The following CSDE1 variants were observed in gnomAD, a reference collection of about 807,000 sequenced individuals.
CSDE1 encodes the protein cold shock domain-containing protein E1.
In CSDE1, 17 loss-of-function variants were observed where a neutral mutation model predicts 89.3. That is an observed-to-expected ratio of 0.19 (90% CI 0.13 to 0.29). The LOEUF is 0.29. CSDE1 is among the 10% of genes least tolerant of loss of function. The pLI, the probability that CSDE1 is intolerant of heterozygous loss-of-function variation, is 1.00. For synonymous variants in CSDE1, 322 were observed against 332.8 expected (o/e 0.97, Z 0.35); for missense variants, 672 against 984.2 (o/e 0.68, Z 4.24).
At chr1:114,743,433 T>G (rs1660841699) in intron 2 of CSDE1, among the ~76,000 whole-genome samples, 1 of 152,170 alleles carries the variant, frequency 6.6e-6, no homozygotes, top group Non-Finnish European at 1.5e-5. Context: ...CCTCAAGTGA[T>G]CCGGCCCCTG....
chr1:114,730,479 C>T (rs1161990153), intron 11 of CSDE1, 29 bp downstream of exon 11: 1 of 1,612,526 alleles, frequency 6.2e-7, no homozygotes, highest in African/African-American at 1.3e-5. Flanking sequence ...TCAAGAAACA[C>T]CTCCCAACTT....
intron 1 of CSDE1, chr1:114,757,002 G>A (rs948016634): frequency 2.6e-5 from 4 of 152,246 alleles, no homozygotes; most frequent in African/African-American, 9.6e-5. Context: ...GAATGACGAA[G>A]CCAGGCCGTT....
intron 2 of CSDE1, among the ~76,000 whole-genome samples, chr1:114,745,244 A>G (rs1313692457): frequency 6.6e-6 from 1 of 152,228 alleles, no homozygotes; most frequent in African/African-American, 2.4e-5. Flanking sequence ...TCCTGGGGAA[A>G]TCTGAAATGT....
intron 16 of CSDE1, among the ~76,000 whole-genome samples, chr1:114,721,223 G>C (rs533758069): frequency 6.6e-6 from 1 of 152,054 alleles, no homozygotes; most frequent in East Asian, 1.9e-4. Context: ...CCTTTTTCCA[G>C]ATCAGAGACC....
rs1305057461 is a variant in CSDE1 at position 114,741,574 on chromosome 1, A to T, written c.1-1684T>A. 17 of 1,551,144 alleles carry T rather than the reference A, an allele frequency of 1.1e-5. No individual in the cohort carries two copies. In the East Asian group the frequency reaches 3.7e-4, roughly 33 times the overall value. Reference sequence around the variant, plus strand: ...CTCTTTTGTTTTTTAGTCCCAGATGAGGTAGAAGATGAAGATAAGGGTAAA... The same window carrying T: ...CTCTTTTGTTTTTTAGTCCCAGATGTGGTAGAAGATGAAGATAAGGGTAAA... On this transcript the variant is annotated intron_variant, in intron 2 of 19. Coordinates refer to ENST00000358528, the MANE Select transcript of CSDE1 (RefSeq NM_001007553.3).
chr1:114,725,671 T>C (rs1309016371), intron 14 of CSDE1, among the ~76,000 whole-genome samples: 1 of 152,078 alleles, frequency 6.6e-6, no homozygotes, highest in Non-Finnish European at 1.5e-5. Context: ...AGTCTCACTC[T>C]GTTGGCTAGG....
At position 114,756,565 on chromosome 1, in the gene CSDE1, T is replaced by C. The variant is rs372150428; in HGVS notation, c.-388+1360A>G. Among the ~76,000 whole-genome samples the C allele has an allele frequency of 3.9e-5, 6 of 152,330 alleles. No homozygotes were observed. In the East Asian group the frequency reaches 7.7e-4, roughly 20 times the overall value. The stretch of plus-strand genomic sequence containing the variant: ...TAGAGTAGCTTATATCTGTGGGCTA[T>C]AATTTGAAACCTACATTCTAAAAAA... On this transcript the variant is annotated intron_variant, in intron 1 of 19. Coordinates refer to ENST00000358528, the MANE Select transcript of CSDE1 (RefSeq NM_001007553.3).
In CSDE1 at chr1:114,726,196, A is replaced by G. The variant is rs370844882; in HGVS notation, c.1640+15T>C. On this transcript the variant is annotated intron_variant, in intron 14 of 19. Coordinates refer to ENST00000358528, the MANE Select transcript of CSDE1 (RefSeq NM_001007553.3). ...TGGTAAGTTAGCTGTAAAGTTCCTG[A>G]AAGTCACGCCTTACCTGTAATGGAA... 7 of 1,579,880 alleles carry G rather than the reference A, an allele frequency of 4.4e-6. No individual in the cohort carries two copies. Among genetic ancestry groups the G allele is most frequent in the Middle Eastern group, 1.7e-4 (1 of 5,920 alleles).
At chr1:114,737,822 A>G in intron 4 of CSDE1, 141 bp downstream of exon 4, 1 of 674,098 alleles carries the variant, frequency 1.5e-6, no homozygotes, top group South Asian at 2.0e-5. Context: ...AGTGCTTTTG[A>G]TTAATTTTAA....
intron 3 of CSDE1, among the ~76,000 whole-genome samples, chr1:114,739,216 A>G (rs1216896010): frequency 4.6e-5 from 7 of 151,990 alleles, no homozygotes; most frequent in African/African-American, 1.7e-4. Flanking sequence ...TATTTTTAGT[A>G]GAGACGGGGT....
intron 2 of CSDE1, among the ~76,000 whole-genome samples, chr1:114,740,617 A>G (rs186523366): frequency 3.7e-4 from 56 of 152,348 alleles, no homozygotes; most frequent in African/African-American, 1.1e-3. Context: ...GAAATCTGTA[A>G]CTATCACTTC....
intron 19 of CSDE1, 149 bp downstream of exon 19, chr1:114,718,464 G>A (rs775077726): frequency 6.1e-6 from 7 of 1,142,196 alleles, no homozygotes; most frequent in Non-Finnish European, 8.5e-6. Flanking sequence ...TTAGGGGGCT[G>A]AACCAATGTG....
intron 1 of CSDE1, among the ~76,000 whole-genome samples, chr1:114,757,250 G>A (rs1661651546): frequency 6.6e-6 from 1 of 152,170 alleles, no homozygotes; most frequent in African/African-American, 2.4e-5. Context: ...TGTCAATTCC[G>A]CCACACTACT....
chr1:114,736,655 T>C (rs537629549), intron 6 of CSDE1, 103 bp downstream of exon 6: 76 of 668,136 alleles, frequency 1.1e-4, no homozygotes, highest in Non-Finnish European at 1.8e-4. Flanking sequence ...TCATGAAAAC[T>C]ATCCAGACTT....
At position 114,732,814 on chromosome 1, in the gene CSDE1, A is replaced by G. The variant is rs1321948641; in HGVS notation, c.840T>C (p.Asn280=). The part of the protein sequence containing the change: ...VIPKVPSKNQ[N]DPLPGRIKVD... ...CTTTGATGCGTCCTGGCAATGGGTC[A>G]TTCTGATGAGAAGGAAAAACGATTT... is the stretch of plus-strand genomic sequence containing the variant. The change falls in exon 10 of 20, where the codon AAT becomes AAC. Residue 280 remains asparagine (N), a splice_region_variant and synonymous_variant. Coordinates refer to ENST00000358528, the MANE Select transcript of CSDE1 (RefSeq NM_001007553.3). The G allele has an allele frequency of 6.2e-7, 1 of 1,613,546 alleles. No individual in the cohort carries two copies. Among genetic ancestry groups the G allele is most frequent in the Non-Finnish European group, 8.5e-7 (1 of 1,179,612 alleles).
chr1:114,723,614 TTTG>T (rs144103674), intron 16 of CSDE1, among the ~76,000 whole-genome samples: 16,916 of 152,136 alleles, frequency 0.11, 1,183 homozygotes, highest in Non-Finnish European at 0.15. Context: ...GTTATCAGAG[TTTG>T]TTGTTAAGTC....
chr1:114,728,703 C>T (rs527694521), intron 12 of CSDE1, among the ~76,000 whole-genome samples: 9 of 152,228 alleles, frequency 5.9e-5, no homozygotes, highest in East Asian at 3.9e-4. Context: ...CTGTCACATG[C>T]GAAATTCCTA....
intron 1 of CSDE1, among the ~76,000 whole-genome samples, chr1:114,751,405 G>A (rs887824431): frequency 6.6e-6 from 1 of 152,184 alleles, no homozygotes; most frequent in African/African-American, 2.4e-5. Context: ...TGAGAGGTCA[G>A]AGCTGATTAA....
At chr1:114,734,145 T>C (rs1347136598) in intron 7 of CSDE1, 28 bp from the exon 8 acceptor site, 4 of 1,598,716 alleles carry the variant, frequency 2.5e-6, no homozygotes, top group African/African-American at 1.3e-5. Context: ...ACCAAGAACA[T>C]TATTACCACT....
Sources: allele counts gnomAD v4.1 joint callset (sites outside exome capture counted in the v4.1 genomes callset), GRCh38; gene constraint gnomAD v4.1.1; transcripts MANE v1.5; gene names NCBI Gene and HGNC (gene_info 2026-07-23, HGNC 2026-07-21).